The following TUSC3 variants were observed in gnomAD, a reference collection of about 807,000 sequenced individuals.
TUSC3 encodes tumor suppressor candidate 3, also known as dolichyl-diphosphooligosaccharide--protein glycosyltransferase subunit TUSC3.
In TUSC3, 45 loss-of-function variants were observed where a neutral mutation model predicts 44.8. The observed-to-expected ratio is 1.00, with a 90% CI of 0.79 to 1.29. The LOEUF is 1.29. Ranked by LOEUF, TUSC3 falls within the 50% of genes most tolerant of loss-of-function variation. The probability of loss-of-function intolerance (pLI) is 0.00; values close to 1 mark genes in which losing one functional copy is unlikely to be tolerated. For synonymous variants in TUSC3, 212 were observed against 152.9 expected, an observed-to-expected ratio of 1.39 and a Z score of -2.85; for missense variants, 519 against 437.9, an observed-to-expected ratio of 1.19 and a Z score of -1.65.
chr8:15,693,452 T>TC (rs1809012078), intron 6 of TUSC3, among the ~76,000 whole-genome samples: 2 of 149,254 alleles, frequency 1.3e-5, no homozygotes, highest in East Asian at 3.9e-4. Context: ...TTTTTTTTTT[T>TC]TTTTTTTTTT....
intron 1 of TUSC3, among the ~76,000 whole-genome samples, chr8:15,459,556 G>T (rs1585053260): frequency 1.3e-5 from 2 of 151,894 alleles, no homozygotes; most frequent in African/African-American, 2.4e-5. Flanking sequence ...TGAGATTTTG[G>T]TGCAGCCATC....
intron 1 of TUSC3, among the ~76,000 whole-genome samples, chr8:15,569,276 A>G (rs1188346749): frequency 2.0e-5 from 3 of 152,278 alleles, no homozygotes; most frequent in South Asian, 2.1e-4. Flanking sequence ...TTCTGCGTCT[A>G]TATCTCTATA....
the TUSC3 span, chr8:15,806,815 G>C: frequency 1.1e-6 from 1 of 885,624 alleles, no homozygotes; most frequent in Non-Finnish European, 1.8e-6. Context: ...GTGAAGAAAT[G>C]AACTTTCCTG....
At chr8:15,477,591 G>T (rs184442647) in intron 1 of TUSC3, among the ~76,000 whole-genome samples, 3 of 151,962 alleles carry the variant, frequency 2.0e-5, no homozygotes, top group African/African-American at 7.3e-5. Flanking sequence ...GTGAGGTGGC[G>T]GGTGGCTGTA....
chr8:15,706,004 C>T (rs1809601159), intron 6 of TUSC3, among the ~76,000 whole-genome samples: 1 of 151,920 alleles, frequency 6.6e-6, no homozygotes, highest in African/African-American at 2.4e-5. Context: ...TTTAAAGATA[C>T]TCATATTATA....
At chr8:15,455,932 A>G (rs113836497) in intron 1 of TUSC3, among the ~76,000 whole-genome samples, 4 of 152,274 alleles carry the variant, frequency 2.6e-5, no homozygotes, top group African/African-American at 9.6e-5. Context: ...AACATCCACT[A>G]CTGTAGAAGA....
intron 1 of TUSC3, among the ~76,000 whole-genome samples, chr8:15,548,540 G>A (rs565106604): frequency 2.6e-5 from 4 of 151,894 alleles, no homozygotes; most frequent in Non-Finnish European, 4.4e-5. Flanking sequence ...GAAAGTACAC[G>A]CCTGAGGGCA....
chr8:15,679,426 C>A (rs1808320102), intron 6 of TUSC3, among the ~76,000 whole-genome samples: 1 of 152,032 alleles, frequency 6.6e-6, no homozygotes. Context: ...CAGTTCATAT[C>A]CTTTGCCCAC....
At chr8:15,450,794 C>A (rs1800188048) in intron 1 of TUSC3, among the ~76,000 whole-genome samples, 2 of 152,032 alleles carry the variant, frequency 1.3e-5, no homozygotes, top group Non-Finnish European at 2.9e-5. Flanking sequence ...CAGATGTTGG[C>A]TTACTGTTTT....
chr8:15,573,220 A>G (rs1438067687), intron 1 of TUSC3, among the ~76,000 whole-genome samples: 2 of 139,646 alleles, frequency 1.4e-5, no homozygotes, highest in Non-Finnish European at 3.0e-5. Context: ...ATATATATAT[A>G]TATATATATA....
chr8:15,551,930 C>A (rs1802075117), intron 1 of TUSC3, among the ~76,000 whole-genome samples: 1 of 151,646 alleles, frequency 6.6e-6, no homozygotes, highest in African/African-American at 2.4e-5. Context: ...CATCATGACA[C>A]AGTAAATAGA....
At chr8:15,844,611 G>A in the TUSC3 span, among the ~76,000 whole-genome samples, 3 of 152,108 alleles carry the variant, frequency 2.0e-5, no homozygotes, top group African/African-American at 7.2e-5. Flanking sequence ...GACAATGGCT[G>A]TATATTAGTA....
the TUSC3 span, among the ~76,000 whole-genome samples, chr8:15,803,793 T>C: frequency 2.6e-5 from 4 of 152,144 alleles, no homozygotes; most frequent in Non-Finnish European, 5.9e-5. Context: ...AGTGAGAACA[T>C]GGGGTGTTTG....
At chr8:15,633,482 T>C (rs923640667) in intron 2 of TUSC3, among the ~76,000 whole-genome samples, 1 of 152,214 alleles carries the variant, frequency 6.6e-6, no homozygotes, top group Non-Finnish European at 1.5e-5. Context: ...TGGCCTCATT[T>C]GGAAATAGGA....
the TUSC3 span, among the ~76,000 whole-genome samples, chr8:15,799,363 T>C: frequency 6.6e-6 from 1 of 151,982 alleles, no homozygotes; most frequent in Admixed American, 6.6e-5. Flanking sequence ...ATAAAACTGT[T>C]GTCAGAAAGG....
chr8:15,471,862 C>G (rs1307911510), intron 1 of TUSC3, among the ~76,000 whole-genome samples: 1 of 152,084 alleles, frequency 6.6e-6, no homozygotes, highest in African/African-American at 2.4e-5. Context: ...AGGTGATCCA[C>G]CGACCCCTGC....
chr8:15,669,073 CAG>C (rs1807812933), intron 5 of TUSC3, among the ~76,000 whole-genome samples: 1 of 151,852 alleles, frequency 6.6e-6, no homozygotes, highest in Middle Eastern at 3.4e-3. Context: ...CAAATGTAGA[CAG>C]AGCTTTGCCA....
At chr8:15,482,746 A>G (rs1002816882) in intron 1 of TUSC3, among the ~76,000 whole-genome samples, 2 of 152,204 alleles carry the variant, frequency 1.3e-5, no homozygotes, top group African/African-American at 4.8e-5. Context: ...GTATGTACAG[A>G]ATAATAGCAA....
At chr8:15,779,093 GTTTTCT>G in the TUSC3 span, among the ~76,000 whole-genome samples, 1 of 120,552 alleles carries the variant, frequency 8.3e-6, no homozygotes. Flanking sequence ...ACCCTCGAAT[GTTTTCT>G]TTTTTTTTTT....
Sources: allele counts gnomAD v4.1 joint callset (sites outside exome capture counted in the v4.1 genomes callset), GRCh38; gene constraint gnomAD v4.1.1; transcripts MANE v1.5; gene names NCBI Gene and HGNC (gene_info 2026-07-23, HGNC 2026-07-21).